SLC2A7: variants seen among roughly 807,000 people sequenced by gnomAD.
The protein encoded by SLC2A7 is solute carrier family 2 member 7, also known as solute carrier family 2, facilitated glucose transporter member 7.
In SLC2A7, 50 loss-of-function variants were observed where a neutral mutation model predicts 50.5. That is an observed-to-expected ratio of 0.99 (90% CI 0.79 to 1.25). SLC2A7 has a LOEUF of 1.25. Ranked by LOEUF, SLC2A7 falls within the 50% of genes most tolerant of loss-of-function variation. The pLI, the probability that SLC2A7 is intolerant of heterozygous loss-of-function variation, is 0.00. For synonymous variants in SLC2A7, 308 were observed against 300.4 expected, an observed-to-expected ratio of 1.03 and a Z score of -0.26; for missense variants, 683 against 679.1, an observed-to-expected ratio of 1.01 and a Z score of -0.06.
At chr1:9,022,553 A>G (rs1640926754) in intron 3 of SLC2A7, among the ~76,000 whole-genome samples, 1 of 152,092 alleles carries the variant, frequency 6.6e-6, no homozygotes, top group South Asian at 2.1e-4. Flanking sequence ...AGCGCTTAGA[A>G]CTTGGAGCCA....
Position 9,023,062 on chromosome 1 carries a change from T to C in SLC2A7, c.167A>G (p.Tyr56Cys). ...NTPHKVFKSF[Y>C]NETYFERHAT... ...GTGTCGCTCAAAGTAGGTTTCGTTG[T>C]AAAATGACTTGAAGACCTGGAAAAC... The change falls in exon 3 of 12, where the codon TAC becomes TGC. Residue 56 changes from tyrosine to cysteine, a missense_variant. Coordinates refer to ENST00000400906, the MANE Select transcript of SLC2A7 (RefSeq NM_207420.3). 1 of 1,613,764 alleles carries C rather than the reference T, an allele frequency of 6.2e-7. No individual in the cohort carries two copies.
chr1:9,026,072 C>T (rs918171854), intron 1 of SLC2A7, among the ~76,000 whole-genome samples: 34 of 152,216 alleles, frequency 2.2e-4, no homozygotes, highest in Non-Finnish European at 3.8e-4. Flanking sequence ...CAGCACCATC[C>T]GCTCTCCCAG....
At position 9,003,403 on chromosome 1, in the gene SLC2A7, C is replaced by T. The variant is rs371749857; in HGVS notation, c.1436G>A (p.Arg479His). 11 of 1,614,046 alleles carry T rather than the reference C, an allele frequency of 6.8e-6. No homozygotes were observed. The highest frequency in any genetic ancestry group is 2.7e-5 in the African/African-American group (2 of 74,912). The change falls in exon 12 of 12, where the codon CGC (arginine) becomes CAC (histidine). Residue 479 changes from arginine (R) to histidine (H), a missense_variant. Physicochemically the swap from Arg to His is conservative, Grantham distance 29. Transcript: ENST00000400906. Reference protein sequence around the residue: ...TKGKTFVEINRIFAKRNRVKL... With the variant: ...TKGKTFVEINHIFAKRNRVKL... Reference sequence around the variant, plus strand: ...CACCCTGTTTCTCTTGGCAAAAATGCGGTTTATCTCCACAAATGTTTTGCC... The same window carrying T: ...CACCCTGTTTCTCTTGGCAAAAATGTGGTTTATCTCCACAAATGTTTTGCC...
At chr1:8,994,848 G>T in the SLC2A7 span, among the ~76,000 whole-genome samples, 1 of 151,814 alleles carries the variant, frequency 6.6e-6, no homozygotes, top group African/African-American at 2.4e-5. Context: ...TCGGCTCACT[G>T]CAGCTTCTGC....
intron 1 of SLC2A7, 74 bp from the exon 2 acceptor site, chr1:9,025,148 T>C (rs1640977980): frequency 1.4e-6 from 2 of 1,457,078 alleles, no homozygotes; most frequent in South Asian, 1.2e-5. Context: ...GGCCTCCACC[T>C]CCCTCCAGCC....
At position 9,014,812 on chromosome 1, in the gene SLC2A7, C is replaced by T. The variant is rs763923070; in HGVS notation, c.772G>A (p.Ala258Thr). 3 of 1,605,116 alleles carry T rather than the reference C, an allele frequency of 1.9e-6. No homozygotes were observed. Among genetic ancestry groups the T allele is most frequent in the East Asian group, 2.3e-5 (1 of 44,422 alleles). ...TCGGCGCGCTCGGCCCGGGCCTCCGCACGCATGTCCTCCAGCTCGGCCTCC... is the reference window on the plus strand; with the variant it reads ...TCGGCGCGCTCGGCCCGGGCCTCCGTACGCATGTCCTCCAGCTCGGCCTCC... ...DMEAELEDMR[A>T]EARAERAEGH... Residue 258 changes from alanine to threonine, a missense_variant, in exon 7 of 12, where the codon GCG becomes ACG. Physicochemically the swap from Ala to Thr is moderately conservative, Grantham distance 58. Transcript: ENST00000400906.
chr1:9,007,446 A>C (rs1569783810), intron 9 of SLC2A7, 61 bp from the exon 10 acceptor site: 2 of 1,514,938 alleles, frequency 1.3e-6, no homozygotes. Flanking sequence ...GGGGGGGTCC[A>C]CCTGCGGGTC....
rs761143068 is a variant in SLC2A7 at position 9,026,293 on chromosome 1, AC to A, written c.51+1del. The A allele has an allele frequency of 1.9e-6, 3 of 1,606,446 alleles. No homozygotes were observed. The highest frequency in any genetic ancestry group is 2.6e-6 in the Non-Finnish European group (3 of 1,176,124). On this transcript the variant is annotated splice_donor_variant, in intron 1 of 11. Coordinates refer to ENST00000400906, the MANE Select transcript of SLC2A7 (RefSeq NM_207420.3). LOFTEE classifies it high-confidence loss of function. Reference sequence around the variant, plus strand: ...TGACAGGTTCCTAGTCTTGGCACTTACCCCCTCCCTGGATGGAATGGGTGGA... The same window carrying A: ...TGACAGGTTCCTAGTCTTGGCACTTACCCCTCCCTGGATGGAATGGGTGGA...
intron 9 of SLC2A7, among the ~76,000 whole-genome samples, chr1:9,009,190 A>C (rs1451059678): frequency 6.6e-6 from 1 of 152,236 alleles, no homozygotes; most frequent in Non-Finnish European, 1.5e-5. Context: ...ACTCATGTGC[A>C]ATTGCGTTGC....
chr1:9,005,899 G>A (rs560893310), intron 10 of SLC2A7, among the ~76,000 whole-genome samples: 32 of 152,228 alleles, frequency 2.1e-4, no homozygotes, highest in Admixed American at 2.0e-3. Context: ...GCAAACTCCT[G>A]CAGCCCAGTG....
rs766847809 is a variant in SLC2A7, at chr1:9,003,413, C to T, written c.1426G>A (p.Glu476Lys). ...CTCTTGGCAAAAATGCGGTTTATCT[C>T]CACAAATGTTTTGCCCTTGGTCTCC... is the stretch of plus-strand genomic sequence containing the variant. ...IPETKGKTFV[E>K]INRIFAKRNR... Residue 476 changes from glutamate to lysine, a missense_variant, in exon 12 of 12, where the codon GAG becomes AAG. By Grantham distance (56) the Glu-to-Lys change is moderately conservative. Transcript: ENST00000400906. 1.9e-6 allele frequency: 3 copies of T among 1,614,208 alleles called. No individual in the cohort carries two copies. The highest frequency in any genetic ancestry group is 1.1e-5 in the South Asian group (1 of 91,084).
chr1:8,993,164 A>G, the SLC2A7 span, among the ~76,000 whole-genome samples: 1 of 152,218 alleles, frequency 6.6e-6, no homozygotes, highest in African/African-American at 2.4e-5. Context: ...TCAGCAGGCA[A>G]AGAGAGAGAG....
chr1:9,019,015 C>T (rs1267266736), intron 4 of SLC2A7, among the ~76,000 whole-genome samples, 194 bp downstream of exon 4: 1 of 151,858 alleles, frequency 6.6e-6, no homozygotes, highest in African/African-American at 2.4e-5. Context: ...GGCTCTGTCT[C>T]TAAAAAAAGA....
At position 9,023,214 on chromosome 1, in the gene SLC2A7, G is replaced by C. The variant is rs1640940677; in HGVS notation, c.151-136C>G. On this transcript the variant is annotated intron_variant, in intron 2 of 11. Transcript: ENST00000400906. ...CCTATAAGACACAGTTAAACCCACT[G>C]ATTCCCTACTATTACCTGAGAATCA... The C allele has an allele frequency of 5.1e-6, 4 of 780,682 alleles. No homozygotes were observed. The East Asian group carries it at 1.1e-4, about 22-fold the overall frequency. 48.4% of individuals were successfully genotyped at this position (780,682 alleles called of 1,614,324 possible).
chr1:9,004,648 C>G, intron 11 of SLC2A7, 104 bp downstream of exon 11: 2 of 1,426,926 alleles, frequency 1.4e-6, no homozygotes, highest in South Asian at 2.5e-5. Flanking sequence ...GTCTGAGAGC[C>G]TGTCCCCACC....
chr1:9,019,052 C>T (rs1194058462), intron 4 of SLC2A7, among the ~76,000 whole-genome samples, 157 bp downstream of exon 4: 1 of 152,140 alleles, frequency 6.6e-6, no homozygotes, highest in African/African-American at 2.4e-5. Flanking sequence ...TTAAGAAAAA[C>T]AAGCATGAGG....
intron 10 of SLC2A7, among the ~76,000 whole-genome samples, chr1:9,007,047 C>T (rs888710665): frequency 5.3e-5 from 8 of 152,168 alleles, no homozygotes; most frequent in African/African-American, 1.9e-4. Flanking sequence ...AGCTCATGTC[C>T]TTGTTGGGTG....
At chr1:9,009,373 G>C (rs1413552551) in intron 9 of SLC2A7, among the ~76,000 whole-genome samples, 1 of 152,232 alleles carries the variant, frequency 6.6e-6, no homozygotes, top group African/African-American at 2.4e-5. Context: ...CATACAGGCT[G>C]AGAACACTGC....
At chr1:9,015,824 T>A (rs1640822173) in intron 5 of SLC2A7, among the ~76,000 whole-genome samples, 1 of 151,416 alleles carries the variant, frequency 6.6e-6, no homozygotes, top group African/African-American at 2.4e-5. Flanking sequence ...CCCAGGCTCA[T>A]GTGATCCTCC....
Sources: gnomAD v4.1 joint callset for allele counts (sites outside exome capture counted in the v4.1 genomes callset) on GRCh38, gnomAD v4.1.1 for gene constraint, MANE v1.5 for transcripts, NCBI Gene and HGNC (gene_info 2026-07-23, HGNC 2026-07-21) for gene names.